Variants in CHRDL1 observed in about 807,000 individuals in gnomAD.
CHRDL1 encodes chordin-like protein 1.
Under a neutral mutation model 40.9 loss-of-function variants are expected in CHRDL1, and 19 were observed. That is an observed-to-expected ratio of 0.46 (90% CI 0.32 to 0.68). CHRDL1 has a LOEUF of 0.68. Ranked by LOEUF, CHRDL1 falls within the 30% of genes least tolerant of loss-of-function variation. The pLI is 0.03. For synonymous variants in CHRDL1, 136 were observed against 123.4 expected, an observed-to-expected ratio of 1.10 and a Z score of -0.68; for missense variants, 329 against 352.1, an observed-to-expected ratio of 0.93 and a Z score of 0.53.
intron 4 of CHRDL1, among the ~76,000 whole-genome samples, chrX:110,750,128 C>T (rs1276558100): frequency 8.9e-6 from 1 of 111,891 alleles, no homozygotes; most frequent in African/African-American, 3.2e-5. Context: ...CTTCCCCCCG[C>T]AACACCTGTC....
chrX:110,735,073 A>C (rs1387885336), intron 4 of CHRDL1, among the ~76,000 whole-genome samples: 2 of 110,895 alleles, frequency 1.8e-5, no homozygotes, highest in African/African-American at 3.3e-5. Context: ...CAAATTAGTC[A>C]TTACCCTCAA....
At chrX:110,690,383 T>A (rs1156719074) in intron 8 of CHRDL1, among the ~76,000 whole-genome samples, 1 of 108,944 alleles carries the variant, frequency 9.2e-6, no homozygotes, top group African/African-American at 3.4e-5. Context: ...TATATGAGAA[T>A]AAATGAATGC....
intron 4 of CHRDL1, among the ~76,000 whole-genome samples, chrX:110,739,783 T>C (rs2071329863): frequency 1.8e-5 from 2 of 112,957 alleles, no homozygotes; most frequent in Non-Finnish European, 3.7e-5. Context: ...ACCTATACTT[T>C]CTACCTTTCA....
intron 4 of CHRDL1, among the ~76,000 whole-genome samples, chrX:110,747,040 C>G (rs1045156684): frequency 9.5e-5 from 10 of 105,640 alleles, no homozygotes; most frequent in Middle Eastern, 4.3e-3. Context: ...CTTTATTGGC[C>G]CCCCCTGCCT....
intron 2 of CHRDL1, among the ~76,000 whole-genome samples, chrX:110,772,982 C>G (rs765104561): frequency 1.8e-5 from 2 of 112,408 alleles, no homozygotes; most frequent in Non-Finnish European, 3.8e-5. Flanking sequence ...CTTTGTGATT[C>G]TGGTTTAGGC....
intron 6 of CHRDL1, among the ~76,000 whole-genome samples, chrX:110,710,345 G>C (rs1490410490): frequency 8.9e-6 from 1 of 112,054 alleles, no homozygotes; most frequent in Admixed American, 9.5e-5. Flanking sequence ...TGAAGAAAGA[G>C]TGGCTTTAAC....
At chrX:110,770,121 T>G (rs963568104) in intron 2 of CHRDL1, among the ~76,000 whole-genome samples, 3 of 112,353 alleles carry the variant, frequency 2.7e-5, no homozygotes, top group Non-Finnish European at 5.6e-5. Context: ...CTGTGTGACA[T>G]TGAGTAAGTC....
chrX:110,752,357 T>C (rs113092251), intron 4 of CHRDL1, among the ~76,000 whole-genome samples: 2,776 of 112,482 alleles, frequency 0.025, 86 homozygotes, highest in African/African-American at 0.084. Flanking sequence ...CGTGAGCCAG[T>C]GCACCCAGCA....
At chrX:110,744,495 C>G (rs1050674007) in intron 4 of CHRDL1, among the ~76,000 whole-genome samples, 1 of 111,326 alleles carries the variant, frequency 9.0e-6, no homozygotes, top group Non-Finnish European at 1.9e-5. Flanking sequence ...GAGGACAGAT[C>G]AGCTGATCTG....
intron 6 of CHRDL1, among the ~76,000 whole-genome samples, chrX:110,703,271 T>C (rs901517492): frequency 5.4e-5 from 6 of 111,758 alleles, no homozygotes; most frequent in Non-Finnish European, 9.4e-5. Flanking sequence ...GCACTTAGCA[T>C]ATTGCTGCGT....
At chrX:110,775,846 A>T (rs2089844047) in intron 2 of CHRDL1, among the ~76,000 whole-genome samples, 2 of 107,741 alleles carry the variant, frequency 1.9e-5, no homozygotes, top group African/African-American at 6.7e-5. Flanking sequence ...ATTTTATATT[A>T]TTCCATTTTC....
intron 9 of CHRDL1, among the ~76,000 whole-genome samples, chrX:110,685,729 A>G (rs1419914318): frequency 9.1e-6 from 1 of 109,935 alleles, no homozygotes; most frequent in Non-Finnish European, 1.9e-5. Context: ...CAGATACACC[A>G]TAATTTGTTT....
At chrX:110,748,185 A>G (rs2089292407) in intron 4 of CHRDL1, among the ~76,000 whole-genome samples, 1 of 112,040 alleles carries the variant, frequency 8.9e-6, no homozygotes, top group Non-Finnish European at 1.9e-5. Flanking sequence ...TTCCTTCAAC[A>G]TCACCTCATA....
chrX:110,772,596 G>A (rs1043907934), intron 2 of CHRDL1, among the ~76,000 whole-genome samples: 2 of 112,179 alleles, frequency 1.8e-5, no homozygotes, highest in Non-Finnish European at 3.7e-5. Context: ...CCAAGATTGT[G>A]CCACTGCACT....
At chrX:110,760,346 T>A (rs913761113) in intron 3 of CHRDL1, among the ~76,000 whole-genome samples, 18 of 112,310 alleles carry the variant, frequency 1.6e-4, no homozygotes, top group Non-Finnish European at 3.4e-4. Flanking sequence ...CCTGCCTGAT[T>A]TACAATTACA....
At chrX:110,703,270 A>G (rs1194548881) in intron 6 of CHRDL1, among the ~76,000 whole-genome samples, 1 of 111,835 alleles carries the variant, frequency 8.9e-6, no homozygotes, top group Admixed American at 9.6e-5. Context: ...AGCACTTAGC[A>G]TATTGCTGCG....
chrX:110,752,494 G>C (rs1360645207), intron 4 of CHRDL1, among the ~76,000 whole-genome samples: 1 of 111,731 alleles, frequency 9.0e-6, no homozygotes, highest in East Asian at 2.8e-4. Context: ...AGAACAGTCA[G>C]TATGGACATG....
At chrX:110,769,202 G>T (rs893466336) in intron 2 of CHRDL1, among the ~76,000 whole-genome samples, 1 of 111,904 alleles carries the variant, frequency 8.9e-6, no homozygotes, top group African/African-American at 3.3e-5. Context: ...TTGGTAAATT[G>T]AATTTCCAAA....
At chrX:110,712,053 C>T (rs940585339) in intron 6 of CHRDL1, among the ~76,000 whole-genome samples, 3 of 112,049 alleles carry the variant, frequency 2.7e-5, no homozygotes, top group African/African-American at 9.7e-5. Flanking sequence ...CTTTTTGTGA[C>T]TGTGGCTCTT....
Sources: allele counts gnomAD v4.1 joint callset (sites outside exome capture counted in the v4.1 genomes callset), GRCh38; gene constraint gnomAD v4.1.1; transcripts MANE v1.5; gene names NCBI Gene and HGNC (gene_info 2026-07-23, HGNC 2026-07-21).